Variants in MAGI2 observed in about 807,000 individuals in gnomAD.
MAGI2 encodes the protein membrane-associated guanylate kinase, WW and PDZ domain-containing protein 2.
A neutral mutation model predicts 133.3 loss-of-function variants in MAGI2; 35 were observed. The ratio of observed to expected loss-of-function variants is 0.26; its 90% CI spans 0.20 to 0.35. MAGI2 has a LOEUF of 0.35. Ranked by LOEUF, MAGI2 falls within the 10% of genes least tolerant of loss-of-function variation. The probability of loss-of-function intolerance (pLI) is 1.00; values close to 1 mark genes in which losing one functional copy is unlikely to be tolerated. For missense variants in MAGI2, 1,636 were observed against 1,863.4 expected, an observed-to-expected ratio of 0.88 and a Z score of 2.25; for synonymous variants, 729 against 710.6, an observed-to-expected ratio of 1.03 and a Z score of -0.41.
At chr7:79,274,365 TG>T (rs1393194031) in intron 1 of MAGI2, among the ~76,000 whole-genome samples, 1 of 152,002 alleles carries the variant, frequency 6.6e-6, no homozygotes, top group Non-Finnish European at 1.5e-5. Flanking sequence ...CTAATGCTGC[TG>T]GTTAGAGACT....
chr7:78,811,162 AT>A (rs1249237067), intron 2 of MAGI2, among the ~76,000 whole-genome samples: 1 of 151,864 alleles, frequency 6.6e-6, no homozygotes, highest in African/African-American at 2.4e-5. Flanking sequence ...AAGCAAACTG[AT>A]TATGTCTTCA....
At chr7:79,354,560 A>G (rs931598769) in intron 1 of MAGI2, among the ~76,000 whole-genome samples, 1 of 152,094 alleles carries the variant, frequency 6.6e-6, no homozygotes, top group Admixed American at 6.5e-5. Flanking sequence ...GCCCTGTAGG[A>G]ATATGTTTCA....
At chr7:78,577,823 A>ATGTGTAC (rs1802426258) in intron 3 of MAGI2, among the ~76,000 whole-genome samples, 1 of 151,992 alleles carries the variant, frequency 6.6e-6, no homozygotes, top group African/African-American at 2.4e-5. Flanking sequence ...GGCGATCTGG[A>ATGTGTAC]TGTGTACGTG....
chr7:78,031,204 G>A (rs1408604577), intron 21 of MAGI2, among the ~76,000 whole-genome samples: 2 of 152,190 alleles, frequency 1.3e-5, no homozygotes, highest in African/African-American at 4.8e-5. Context: ...CCAGGGCTGG[G>A]TGTAGGAGGA....
chr7:78,200,457 T>C (rs1829138034), intron 11 of MAGI2, among the ~76,000 whole-genome samples: 1 of 152,166 alleles, frequency 6.6e-6, no homozygotes. Context: ...AGTGGTCAGA[T>C]GATGGTAGAG....
At chr7:78,792,731 GA>G (rs200272743) in intron 2 of MAGI2, among the ~76,000 whole-genome samples, 3 of 151,912 alleles carry the variant, frequency 2.0e-5, no homozygotes, top group Admixed American at 6.6e-5. Context: ...GTGGTTAACT[GA>G]AAAAAAGAAG....
At chr7:78,398,383 A>T (rs1796553081) in intron 6 of MAGI2, among the ~76,000 whole-genome samples, 1 of 152,032 alleles carries the variant, frequency 6.6e-6, no homozygotes, top group Non-Finnish European at 1.5e-5. Context: ...TGTCTAGAAA[A>T]ATCTCTTGCT....
intron 14 of MAGI2, chr7:78,170,701 CT>C (rs1826029894): frequency 6.6e-6 from 1 of 151,882 alleles, no homozygotes; most frequent in Non-Finnish European, 1.5e-5. Flanking sequence ...GAGTAGGCCT[CT>C]TATATATTTA....
intron 9 of MAGI2, among the ~76,000 whole-genome samples, chr7:78,257,650 A>C (rs1015500782): frequency 6.6e-6 from 1 of 152,210 alleles, no homozygotes; most frequent in Admixed American, 6.5e-5. Flanking sequence ...AAAAATTTCA[A>C]TTATGTATGA....
intron 2 of MAGI2, among the ~76,000 whole-genome samples, chr7:78,804,152 C>G (rs1479155705): frequency 6.6e-6 from 1 of 152,130 alleles, no homozygotes; most frequent in Non-Finnish European, 1.5e-5. Flanking sequence ...TACACACAGA[C>G]AAGTACTACG....
intron 12 of MAGI2, among the ~76,000 whole-genome samples, chr7:78,187,918 C>T (rs184954756): frequency 1.3e-5 from 2 of 152,290 alleles, no homozygotes; most frequent in African/African-American, 2.4e-5. Flanking sequence ...TCAACTTGTG[C>T]AACCAACAAA....
chr7:78,997,270 T>C (rs1014797), intron 2 of MAGI2, among the ~76,000 whole-genome samples: 10,829 of 152,164 alleles, frequency 0.071, 410 homozygotes, highest in Non-Finnish European at 0.081. Context: ...ACTGGGAAAC[T>C]GAGAATTGAT....
intron 2 of MAGI2, among the ~76,000 whole-genome samples, chr7:78,897,197 T>C (rs1429992304): frequency 6.6e-6 from 1 of 152,182 alleles, no homozygotes; most frequent in East Asian, 1.9e-4. Flanking sequence ...GGAACACTTC[T>C]GAAGGAAAAA....
intron 2 of MAGI2, among the ~76,000 whole-genome samples, chr7:78,655,782 C>G (rs914411749): frequency 1.4e-4 from 21 of 151,888 alleles, no homozygotes; most frequent in African/African-American, 5.1e-4. Flanking sequence ...GAGATCGAGA[C>G]CATCCTGGCT....
intron 2 of MAGI2, among the ~76,000 whole-genome samples, chr7:78,657,108 G>A (rs1053914139): frequency 7.2e-5 from 11 of 151,998 alleles, no homozygotes; most frequent in Admixed American, 2.6e-4. Context: ...TCAGGGCAAA[G>A]CAAGTTAAAA....
At position 78,137,521 on chromosome 7, in the gene MAGI2, C is replaced by A. The variant is rs140139257; in HGVS notation, c.2846-2315G>T. 3.8e-3 allele frequency among the ~76,000 whole-genome samples: 579 copies of A among 152,238 alleles called. 4 individuals carry two copies. Among genetic ancestry groups the A allele is most frequent in the African/African-American group, 0.013 (560 of 41,536 alleles). ...GTGTGTGCTTGTGTGTAGGTACCAA[C>A]TTGGTTTCTTTCCACATGGGGTAAA... On this transcript the variant is annotated intron_variant, in intron 16 of 21. Coordinates refer to ENST00000354212, the MANE Select transcript of MAGI2 (RefSeq NM_012301.4).
At chr7:79,239,303 A>G (rs1234258985) in intron 1 of MAGI2, among the ~76,000 whole-genome samples, 2 of 152,144 alleles carry the variant, frequency 1.3e-5, no homozygotes, top group African/African-American at 4.8e-5. Context: ...ACACTAACTC[A>G]CTTATCTTTC....
intron 10 of MAGI2, among the ~76,000 whole-genome samples, chr7:78,208,015 G>A (rs1238162945): frequency 2.0e-5 from 3 of 151,662 alleles, no homozygotes; most frequent in South Asian, 2.1e-4. Flanking sequence ...GATTACAGGC[G>A]CCCACCACCA....
intron 1 of MAGI2, among the ~76,000 whole-genome samples, chr7:79,189,677 ATAG>A (rs1294164425): frequency 6.6e-6 from 1 of 151,758 alleles, no homozygotes; most frequent in Non-Finnish European, 1.5e-5. Flanking sequence ...TATATATTGT[ATAG>A]CTCTACGGAT....
Sources: gnomAD v4.1 joint callset for allele counts (sites outside exome capture counted in the v4.1 genomes callset) on GRCh38, gnomAD v4.1.1 for gene constraint, MANE v1.5 for transcripts, NCBI Gene and HGNC (gene_info 2026-07-23, HGNC 2026-07-21) for gene names.